PDZRN4: variants seen among roughly 807,000 people sequenced by gnomAD.
The protein encoded by PDZRN4 is PDZ domain containing ring finger 4, also known as PDZ domain-containing RING finger protein 4.
PDZRN4 carries 70 observed loss-of-function variants against 99.0 expected under a neutral mutation model. That is an observed-to-expected ratio of 0.71 (90% confidence interval 0.58 to 0.86). The LOEUF is 0.86. PDZRN4 is among the 40% of genes least tolerant of loss of function. The pLI, the probability that PDZRN4 is intolerant of heterozygous loss-of-function variation, is 0.00. For synonymous variants in PDZRN4, 551 were observed against 501.6 expected (o/e 1.10, Z -1.32); for missense variants, 1,474 against 1,331.2 (o/e 1.11, Z -1.67).
chr12:41,251,997 T>G (rs180930455), intron 3 of PDZRN4, among the ~76,000 whole-genome samples: 17 of 152,082 alleles, frequency 1.1e-4, no homozygotes, highest in Admixed American at 1.1e-3. Flanking sequence ...GTGCCTGTAG[T>G]CCCAGCTACT....
At chr12:41,252,194 A>T (rs1407890326) in intron 3 of PDZRN4, among the ~76,000 whole-genome samples, 2 of 152,326 alleles carry the variant, frequency 1.3e-5, no homozygotes, top group South Asian at 2.1e-4. Flanking sequence ...AATGTCTTAT[A>T]AATACTTTAT....
At chr12:41,287,438 T>TA (rs1951429039) in intron 3 of PDZRN4, among the ~76,000 whole-genome samples, 1 of 152,370 alleles carries the variant, frequency 6.6e-6, no homozygotes, top group East Asian at 1.9e-4. Flanking sequence ...TTTCATTCGT[T>TA]ACATTTAAAC....
intron 3 of PDZRN4, among the ~76,000 whole-genome samples, chr12:41,340,394 G>A (rs1483859467): frequency 6.6e-6 from 1 of 151,936 alleles, no homozygotes; most frequent in Non-Finnish European, 1.5e-5. Context: ...TGAACTTATG[G>A]AGATGGAGAG....
intron 3 of PDZRN4, among the ~76,000 whole-genome samples, chr12:41,205,142 C>T (rs913872746): frequency 3.3e-5 from 5 of 151,796 alleles, no homozygotes; most frequent in African/African-American, 1.2e-4. Flanking sequence ...TTATTAGGTT[C>T]ATCAGACATA....
chr12:41,235,606 G>A (rs1566382041), intron 3 of PDZRN4, among the ~76,000 whole-genome samples: 1 of 152,088 alleles, frequency 6.6e-6, no homozygotes, highest in Non-Finnish European at 1.5e-5. Context: ...AGAAATGCTA[G>A]ACCTTATGTT....
chr12:41,248,820 A>C (rs1395297651), intron 3 of PDZRN4, among the ~76,000 whole-genome samples: 2 of 152,194 alleles, frequency 1.3e-5, no homozygotes, highest in African/African-American at 4.8e-5. Context: ...TTTTAAAAAT[A>C]AACTAAAATA....
At chr12:41,404,496 C>T (rs920930753) in intron 3 of PDZRN4, among the ~76,000 whole-genome samples, 7 of 151,928 alleles carry the variant, frequency 4.6e-5, no homozygotes, top group East Asian at 1.9e-4. Flanking sequence ...CACTGCTGAA[C>T]GAAATCAGAG....
chr12:41,369,818 T>A (rs1195869616), intron 3 of PDZRN4, among the ~76,000 whole-genome samples: 1 of 151,990 alleles, frequency 6.6e-6, no homozygotes, highest in African/African-American at 2.4e-5. Flanking sequence ...TTTTATTTTT[T>A]ATTTGCCCTG....
At chr12:41,353,274 A>G (rs549487013) in intron 3 of PDZRN4, among the ~76,000 whole-genome samples, 1 of 151,996 alleles carries the variant, frequency 6.6e-6, no homozygotes, top group South Asian at 2.1e-4. Context: ...TCTTTCACTC[A>G]CTCACCCATT....
intron 3 of PDZRN4, among the ~76,000 whole-genome samples, chr12:41,470,490 TC>T (rs11360212): frequency 0.45 from 68,446 of 151,748 alleles, 16,573 homozygotes; most frequent in Middle Eastern, 0.59. Context: ...TGGCTTCACT[TC>T]CTTTTTTTTT....
chr12:41,392,112 T>C (rs1952214667), intron 3 of PDZRN4, among the ~76,000 whole-genome samples: 1 of 152,136 alleles, frequency 6.6e-6, no homozygotes, highest in African/African-American at 2.4e-5. Context: ...ATTCAACACT[T>C]AGAGGTGAAT....
intron 3 of PDZRN4, among the ~76,000 whole-genome samples, chr12:41,450,996 A>T (rs1360957129): frequency 2.0e-5 from 3 of 151,708 alleles, no homozygotes; most frequent in African/African-American, 4.8e-5. Context: ...ATAATGTAAA[A>T]TTTTTTTAAG....
At chr12:41,260,162 C>T (rs1448711725) in intron 3 of PDZRN4, among the ~76,000 whole-genome samples, 1 of 152,086 alleles carries the variant, frequency 6.6e-6, no homozygotes, top group African/African-American at 2.4e-5. Flanking sequence ...TTTCTTTTGG[C>T]CAATTCTTTG....
At chr12:41,299,861 C>G (rs79403403) in intron 3 of PDZRN4, among the ~76,000 whole-genome samples, 1 of 151,940 alleles carries the variant, frequency 6.6e-6, no homozygotes, top group Admixed American at 6.6e-5. Context: ...ACTGCAATAA[C>G]AGTTGATAGA....
chr12:41,393,097 C>T (rs1420528844), intron 3 of PDZRN4, among the ~76,000 whole-genome samples: 1 of 152,132 alleles, frequency 6.6e-6, no homozygotes, highest in African/African-American at 2.4e-5. Flanking sequence ...CTAAATTCTT[C>T]AATTCCTTTC....
chr12:41,252,924 A>G (rs1951180713), intron 3 of PDZRN4, among the ~76,000 whole-genome samples: 1 of 152,166 alleles, frequency 6.6e-6, no homozygotes, highest in Admixed American at 6.5e-5. Context: ...TATACTTAAA[A>G]TGGGTATATT....
At chr12:41,554,273 T>C (rs1592109693) in intron 6 of PDZRN4, among the ~76,000 whole-genome samples, 1 of 152,318 alleles carries the variant, frequency 6.6e-6, no homozygotes, top group South Asian at 2.1e-4. Flanking sequence ...GAGTGGTTTT[T>C]AAATGGGATA....
At chr12:41,471,721 CATT>C (rs35477309) in intron 3 of PDZRN4, among the ~76,000 whole-genome samples, 17,008 of 150,586 alleles carry the variant, frequency 0.11, 1,049 homozygotes, top group South Asian at 0.22. Context: ...TAATAATAAT[CATT>C]ATAATAATTA....
chr12:41,534,637 T>C (rs920178563), intron 5 of PDZRN4, among the ~76,000 whole-genome samples: 5 of 152,188 alleles, frequency 3.3e-5, no homozygotes, highest in Non-Finnish European at 7.4e-5. Context: ...AGTTACAGTC[T>C]GCTATTGGCA....
Sources: allele counts gnomAD v4.1 joint callset (sites outside exome capture counted in the v4.1 genomes callset), GRCh38; gene constraint gnomAD v4.1.1; transcripts MANE v1.5; gene names NCBI Gene and HGNC (gene_info 2026-07-23, HGNC 2026-07-21).